CMIP: variants seen among roughly 807,000 people sequenced by gnomAD.
The protein encoded by CMIP is c-Maf inducing protein, also known as C-Maf-inducing protein.
In CMIP, 13 loss-of-function variants were observed where a neutral mutation model predicts 97.3. The ratio of observed to expected loss-of-function variants is 0.13; its 90% CI spans 0.09 to 0.21. The LOEUF (loss-of-function observed/expected upper bound fraction) is 0.21, where lower values mean the gene tolerates loss of function less well. Among genes scored for constraint, CMIP ranks in the 10% least tolerant of loss-of-function variants. The pLI is 1.00. For synonymous variants in CMIP, 538 were observed against 436.3 expected, an observed-to-expected ratio of 1.23 and a Z score of -2.91; for missense variants, 847 against 1,024.9, an observed-to-expected ratio of 0.83 and a Z score of 2.37.
chr16:81,708,289 C>A (rs2151111811), intron 20 of CMIP, among the ~76,000 whole-genome samples: 1 of 152,378 alleles, frequency 6.6e-6, no homozygotes, highest in South Asian at 2.1e-4. Flanking sequence ...CGTCTGCAGA[C>A]CAGCACCCTC....
chr16:81,629,570 C>T (rs927702854), intron 3 of CMIP, among the ~76,000 whole-genome samples: 3 of 152,214 alleles, frequency 2.0e-5, no homozygotes, highest in Non-Finnish European at 2.9e-5. Context: ...GTCTCCTTTT[C>T]GACCTTTTTA....
rs1018173344 is a variant in CMIP, at chr16:81,610,347, C to T, written c.426+2655C>T. On this transcript the variant is annotated intron_variant, in intron 2 of 20. Transcript: ENST00000537098. ...CGAGCGGGCGGGGAGCCTCTAGCTG[C>T]TCCAGCATCCCACTTGCTCACTGCC... The T allele has an allele frequency of 5.1e-6, 5 of 985,452 alleles. No individual in the cohort carries two copies. The African/African-American group carries it at 8.7e-5, about 17-fold the overall frequency. The allele number at this position is 985,452 out of a possible 1,614,324, so 61.0% of individuals were successfully genotyped here.
At chr16:81,448,889 C>G (rs189694474) in intron 1 of CMIP, among the ~76,000 whole-genome samples, 21 of 152,362 alleles carry the variant, frequency 1.4e-4, no homozygotes, top group African/African-American at 4.8e-4. Flanking sequence ...TCTTTGTACC[C>G]AAACTTCCCA....
In CMIP at chr16:81,710,127, T is replaced by C. The variant is rs1908600075; in HGVS notation, c.*328T>C. Reference sequence around the variant, plus strand: ...ACCCTTTGTGGATTTTCTTTGCCTTTGTGTTTGATGCCGTCGTGTGGGAAA... The same window carrying C: ...ACCCTTTGTGGATTTTCTTTGCCTTCGTGTTTGATGCCGTCGTGTGGGAAA... On this transcript the variant is annotated 3_prime_UTR_variant, in exon 21 of 21. Transcript: ENST00000537098. The C allele has an allele frequency of 8.8e-6, 3 of 339,136 alleles. No individual in the cohort carries two copies. The allele number at this position is 339,136 out of a possible 1,614,324, so 21.0% of individuals were successfully genotyped here.
intron 1 of CMIP, among the ~76,000 whole-genome samples, chr16:81,488,057 TTTA>T (rs1300603635): frequency 1.1e-4 from 16 of 151,854 alleles, no homozygotes; most frequent in African/African-American, 3.6e-4. Flanking sequence ...TGTTTTATTG[TTTA>T]TTATTGTTGG....
chr16:81,461,659 G>C (rs1286981923), intron 1 of CMIP, among the ~76,000 whole-genome samples: 11 of 152,140 alleles, frequency 7.2e-5, no homozygotes, highest in Non-Finnish European at 8.8e-5. Context: ...CTCCACACCA[G>C]GGTGTTCGCT....
At chr16:81,521,523 C>T (rs2090027327) in intron 1 of CMIP, among the ~76,000 whole-genome samples, 1 of 152,140 alleles carries the variant, frequency 6.6e-6, no homozygotes, top group Admixed American at 6.5e-5. Context: ...TTTCTGCTTC[C>T]AGAAGAGGAG....
At chr16:81,600,579 C>G (rs922210839) in intron 1 of CMIP, among the ~76,000 whole-genome samples, 5 of 152,180 alleles carry the variant, frequency 3.3e-5, no homozygotes, top group African/African-American at 1.2e-4. Context: ...TGCCTGGCGC[C>G]TGGGGATGGG....
chr16:81,569,912 GCTGT>G (rs1354051411), intron 1 of CMIP, among the ~76,000 whole-genome samples: 1 of 152,150 alleles, frequency 6.6e-6, no homozygotes, highest in Non-Finnish European at 1.5e-5. Context: ...TGTGGTAGGT[GCTGT>G]CTAAGCGTTC....
chr16:81,679,389 G>T (rs1904635679), intron 10 of CMIP, among the ~76,000 whole-genome samples: 1 of 152,096 alleles, frequency 6.6e-6, no homozygotes. Flanking sequence ...TAGAGAGCAT[G>T]TGTGTTTCTC....
chr16:81,635,762 C>T lies in CMIP; in HGVS notation c.477+14836C>T, dbSNP rs528134185. Reference sequence around the variant, plus strand: ...TATAAATAAGGAGTTTTCAGGGTGGCGGGGACAGCTCTGCCCATTTGGGGG... The same window carrying T: ...TATAAATAAGGAGTTTTCAGGGTGGTGGGGACAGCTCTGCCCATTTGGGGG... On this transcript the variant is annotated intron_variant, in intron 3 of 20. Transcript: ENST00000537098. Among the ~76,000 whole-genome samples, 31 of 152,142 alleles carry T rather than the reference C, an allele frequency of 2.0e-4. No individual in the cohort carries two copies. The East Asian group carries it at 2.1e-3, about 10-fold the overall frequency.
At chr16:81,582,321 A>G (rs1390977252) in intron 1 of CMIP, among the ~76,000 whole-genome samples, 1 of 151,992 alleles carries the variant, frequency 6.6e-6, no homozygotes, top group Non-Finnish European at 1.5e-5. Context: ...TTTTTTTGCC[A>G]ACTTGCCAGG....
rs575894664 is a variant in CMIP at position 81,552,550 on chromosome 16, C to T, written c.301-55017C>T. On this transcript the variant is annotated intron_variant, in intron 1 of 20. Coordinates refer to ENST00000537098, the MANE Select transcript of CMIP (RefSeq NM_198390.3). ...TTGGCTTCTTGGCCCCTTCCTCCAT[C>T]TTCAGAGCCACCTGTGTACCATCTC... is the stretch of plus-strand genomic sequence containing the variant. Among the ~76,000 whole-genome samples, 4 of 152,314 alleles carry T rather than the reference C, an allele frequency of 2.6e-5. No individual in the cohort carries two copies. In the South Asian group the frequency reaches 8.3e-4, roughly 32 times the overall value.
At chr16:81,668,191 C>T (rs2151032917) in intron 7 of CMIP, among the ~76,000 whole-genome samples, 1 of 152,252 alleles carries the variant, frequency 6.6e-6, no homozygotes, top group Middle Eastern at 3.4e-3. Flanking sequence ...TACGGAGGGA[C>T]AGGTCTGGAG....
intron 1 of CMIP, among the ~76,000 whole-genome samples, chr16:81,550,539 G>A (rs889402967): frequency 4.6e-5 from 7 of 152,174 alleles, no homozygotes; most frequent in East Asian, 1.9e-4. Flanking sequence ...GTCTTATCCC[G>A]TCAAAGAATG....
At chr16:81,476,175 G>A in intron 1 of CMIP, 1 of 1,198,312 alleles carries the variant, frequency 8.3e-7, no homozygotes, top group Non-Finnish European at 1.2e-6. Flanking sequence ...TCTTGGCAGT[G>A]CGTGTGGAAA....
intron 3 of CMIP, among the ~76,000 whole-genome samples, chr16:81,647,581 T>A (rs1304713883): frequency 1.3e-5 from 2 of 152,072 alleles, no homozygotes; most frequent in Admixed American, 1.3e-4. Context: ...GGGTCCATGC[T>A]AGACAAACCA....
intron 3 of CMIP, among the ~76,000 whole-genome samples, chr16:81,648,059 G>A (rs909069676): frequency 1.1e-4 from 15 of 141,106 alleles, no homozygotes; most frequent in Middle Eastern, 3.5e-3. Context: ...TGCTTCCACC[G>A]CCTTCTGGTT....
At chr16:81,515,207 A>G (rs1467093719) in intron 1 of CMIP, among the ~76,000 whole-genome samples, 3 of 152,334 alleles carry the variant, frequency 2.0e-5, no homozygotes, top group African/African-American at 7.2e-5. Flanking sequence ...GCTGTGCTTT[A>G]TTCTGGGCTC....
Sources: allele counts gnomAD v4.1 joint callset (sites outside exome capture counted in the v4.1 genomes callset), GRCh38; gene constraint gnomAD v4.1.1; transcripts MANE v1.5; gene names NCBI Gene and HGNC (gene_info 2026-07-23, HGNC 2026-07-21).